The following ADAM12 variants were observed in gnomAD, a reference collection of about 807,000 sequenced individuals.
ADAM12 encodes the protein ADAM metallopeptidase domain 12, also known as disintegrin and metalloproteinase domain-containing protein 12.
In ADAM12, 70 loss-of-function variants were observed where a neutral mutation model predicts 106.4. That is an observed-to-expected ratio of 0.66 (90% CI 0.54 to 0.80). ADAM12 has a LOEUF of 0.80. Among genes scored for constraint, ADAM12 ranks in the 30% least tolerant of loss-of-function variants. The probability of loss-of-function intolerance (pLI) is 0.00; values close to 1 mark genes in which losing one functional copy is unlikely to be tolerated. For missense variants in ADAM12, 1,010 were observed against 1,171.9 expected (o/e 0.86, Z 2.02); for synonymous variants, 420 against 433.5 (o/e 0.97, Z 0.39).
intron 21 of ADAM12, among the ~76,000 whole-genome samples, chr10:126,030,107 A>T (rs1953948026): frequency 6.6e-6 from 1 of 152,250 alleles, no homozygotes; most frequent in African/African-American, 2.4e-5. Context: ...CTTCACAAAT[A>T]ATGATGTAGC....
intron 4 of ADAM12, chr10:126,145,395 TTACAACAAACACCA>T (rs1956607100): frequency 1.3e-5 from 2 of 152,584 alleles, no homozygotes; most frequent in South Asian, 4.1e-4. Context: ...ACTAATTCCA[TTACAACAAACACCA>T]TAGCCAGAAA....
At chr10:126,231,797 G>C (rs1181230597) in intron 3 of ADAM12, among the ~76,000 whole-genome samples, 1 of 152,124 alleles carries the variant, frequency 6.6e-6, no homozygotes, top group Non-Finnish European at 1.5e-5. Flanking sequence ...TCAGTGTGTT[G>C]GGCTGTGGAG....
At chr10:126,164,719 G>A (rs1392371912) in intron 3 of ADAM12, among the ~76,000 whole-genome samples, 2 of 152,112 alleles carry the variant, frequency 1.3e-5, no homozygotes, top group African/African-American at 4.8e-5. Context: ...CACCCAGACC[G>A]GACCCTGCAT....
At chr10:126,057,886 A>C (rs117185962) in intron 14 of ADAM12, among the ~76,000 whole-genome samples, 3,078 of 152,362 alleles carry the variant, frequency 0.02, 37 homozygotes, top group Non-Finnish European at 0.03. Flanking sequence ...CATTTTCCCC[A>C]TGGGAAATCC....
intron 2 of ADAM12, among the ~76,000 whole-genome samples, chr10:126,286,152 G>A (rs925213490): frequency 1.3e-5 from 2 of 152,072 alleles, no homozygotes; most frequent in Non-Finnish European, 2.9e-5. Context: ...TTCCCTGAAG[G>A]ACGGGATGAC....
rs1565006670 is a variant in ADAM12 at position 126,043,237 on chromosome 10, C to CA, written c.1996-90_1996-89insT. 2 of 1,218,908 alleles carry CA rather than the reference C, an allele frequency of 1.6e-6. No individual in the cohort carries two copies. The highest frequency in any genetic ancestry group is 3.0e-5 in the African/African-American group (2 of 66,820). The allele number at this position is 1,218,908 out of a possible 1,614,324, so 75.5% of individuals were successfully genotyped here. A position where few individuals can be genotyped will look rare whatever the true frequency, so the allele number is the denominator to read the frequency against. On this transcript the variant is annotated intron_variant, in intron 17 of 22. Coordinates refer to ENST00000448723, the MANE Select transcript of ADAM12 (RefSeq NM_001288973.2). The surrounding 1 kb of genome is among the most constrained non-coding windows in gnomAD (Gnocchi z 4.1). ...AGCAAGGGGGGCCATGGTCAGAGCC[C>CA]CCCCCCAACACTGACACAGCCAGAC...
At chr10:126,183,906 G>A (rs924679851) in intron 3 of ADAM12, among the ~76,000 whole-genome samples, 10 of 152,288 alleles carry the variant, frequency 6.6e-5, no homozygotes, top group Non-Finnish European at 1.3e-4. Flanking sequence ...ATTCTGTGAC[G>A]AACACTAAAA....
At chr10:126,204,287 ATTAGACATTG>A (rs1957756420) in intron 3 of ADAM12, among the ~76,000 whole-genome samples, 1 of 152,192 alleles carries the variant, frequency 6.6e-6, no homozygotes, top group South Asian at 2.1e-4. Flanking sequence ...TTTCCCCTCC[ATTAGACATTG>A]TTGGGTGAAG....
At chr10:126,310,280 G>A (rs1200903206) in intron 2 of ADAM12, among the ~76,000 whole-genome samples, 1 of 152,084 alleles carries the variant, frequency 6.6e-6, no homozygotes, top group Non-Finnish European at 1.5e-5. Context: ...ACATTTAGAA[G>A]GCTGGTGGAG....
intron 2 of ADAM12, among the ~76,000 whole-genome samples, chr10:126,290,570 A>C (rs1192010962): frequency 1.3e-5 from 2 of 152,254 alleles, no homozygotes; most frequent in Admixed American, 1.3e-4. Context: ...ATCACAAATC[A>C]AACTGCTACT....
At chr10:126,342,682 T>A (rs945947776) in intron 1 of ADAM12, among the ~76,000 whole-genome samples, 31 of 152,236 alleles carry the variant, frequency 2.0e-4, no homozygotes, top group African/African-American at 6.5e-4. Flanking sequence ...CAATCCAGTA[T>A]CGGCTGGCAG....
chr10:126,173,675 C>A (rs1160728304), intron 3 of ADAM12, among the ~76,000 whole-genome samples: 1 of 151,916 alleles, frequency 6.6e-6, no homozygotes, highest in East Asian at 1.9e-4. Context: ...AATGGAGGAA[C>A]AAAAGTGTGA....
In ADAM12 at chr10:126,311,094, T is replaced by TACACACACACACACAC. The variant is rs67514376; in HGVS notation, c.186+19302_186+19317dup. On this transcript the variant is annotated intron_variant, in intron 2 of 22. Coordinates refer to ENST00000448723, the MANE Select transcript of ADAM12 (RefSeq NM_001288973.2). ...CTTCCTCATTATACATACACACAAA[T>TACACACACACACACAC]ACACACACACACACACACACACACA... Among the ~76,000 whole-genome samples the TACACACACACACACAC allele has an allele frequency of 8.3e-4, 115 of 138,544 alleles. 2 individuals carry two copies. The highest frequency in any genetic ancestry group is 1.2e-3 in the South Asian group (5 of 4,030). The allele number at this position is 138,544 out of a possible 152,430, so 90.9% of individuals were successfully genotyped here.
chr10:126,047,001 C>T (rs1292878161), intron 16 of ADAM12, among the ~76,000 whole-genome samples: 1 of 151,862 alleles, frequency 6.6e-6, no homozygotes, highest in Non-Finnish European at 1.5e-5. Context: ...CCATCAGCAA[C>T]GAGGCTCAGC....
At chr10:126,148,565 G>A (rs976572121) in intron 4 of ADAM12, among the ~76,000 whole-genome samples, 1 of 152,168 alleles carries the variant, frequency 6.6e-6, no homozygotes, top group Non-Finnish European at 1.5e-5. Context: ...AGGAATGGGG[G>A]AAGGGAACTG....
chr10:126,107,402 T>G (rs972353333), intron 8 of ADAM12, among the ~76,000 whole-genome samples: 2 of 152,234 alleles, frequency 1.3e-5, no homozygotes, highest in African/African-American at 4.8e-5. Flanking sequence ...GGACCACATC[T>G]GATTCATTCT....
At chr10:126,225,416 GA>G (rs35533639) in intron 3 of ADAM12, among the ~76,000 whole-genome samples, 4,260 of 152,310 alleles carry the variant, frequency 0.028, 154 homozygotes, top group East Asian at 0.1. Flanking sequence ...AACACGCCCA[GA>G]GAAGTAAAGA....
chr10:126,384,195 C>G (rs1199801456), intron 1 of ADAM12, among the ~76,000 whole-genome samples: 1 of 152,146 alleles, frequency 6.6e-6, no homozygotes, highest in African/African-American at 2.4e-5. Context: ...CATCAGTGAC[C>G]TGACACACCA....
intron 3 of ADAM12, among the ~76,000 whole-genome samples, chr10:126,217,666 TG>T (rs1316395618): frequency 6.8e-6 from 1 of 147,868 alleles, no homozygotes; most frequent in Non-Finnish European, 1.5e-5. Context: ...TGCACATTTT[TG>T]CTCCATGTAA....
Sources: allele counts gnomAD v4.1 joint callset (sites outside exome capture counted in the v4.1 genomes callset), GRCh38; gene constraint gnomAD v4.1.1; non-coding constraint Gnocchi (gnomAD v3.1); transcripts MANE v1.5; gene names NCBI Gene and HGNC (gene_info 2026-07-23, HGNC 2026-07-21).